The following KDM1B variants were observed in gnomAD, a reference collection of about 807,000 sequenced individuals.
KDM1B encodes the protein lysine-specific histone demethylase 2.
Under a neutral mutation model 107.4 loss-of-function variants are expected in KDM1B, and 63 were observed. That is an observed-to-expected ratio of 0.59 (90% CI 0.48 to 0.72). The LOEUF is 0.72. Among genes scored for constraint, KDM1B ranks in the 30% least tolerant of loss-of-function variants. The pLI, the probability that KDM1B is intolerant of heterozygous loss-of-function variation, is 0.00. For synonymous variants in KDM1B, 363 were observed against 363.9 expected (o/e 1.00, Z 0.03); for missense variants, 749 against 1,020.8 (o/e 0.73, Z 3.63).
In KDM1B at chr6:18,204,945, G is replaced by A. The variant is rs1183879689; in HGVS notation, c.1532-592G>A. Among the ~76,000 whole-genome samples, 1 of 152,246 alleles carries A rather than the reference G, an allele frequency of 6.6e-6. No homozygotes were observed. Among genetic ancestry groups the A allele is most frequent in the African/African-American group, 2.4e-5 (1 of 41,470 alleles). Reference sequence around the variant, plus strand: ...CTGCTGCCTTTGGAAAGATTAAAATGTGCTAGCTTTGCCTGGCTGTGGTTG... The same window carrying A: ...CTGCTGCCTTTGGAAAGATTAAAATATGCTAGCTTTGCCTGGCTGTGGTTG... On this transcript the variant is annotated intron_variant, in intron 14 of 21. Transcript: ENST00000650836. The surrounding 1 kb of genome is among the most constrained non-coding windows in gnomAD (Gnocchi z 4.9).
At position 18,162,346 on chromosome 6, in the gene KDM1B, TAAACAC is replaced by T. The variant is rs901610221; in HGVS notation, c.216-485_216-480del. On this transcript the variant is annotated intron_variant, in intron 4 of 21. Coordinates refer to ENST00000650836, the MANE Select transcript of KDM1B (RefSeq NM_001364614.2). The surrounding 1 kb of genome is among the most constrained non-coding windows in gnomAD (Gnocchi z 4.1). Reference sequence around the variant, plus strand: ...CAAATAAATAAAAAAATATTAAAAATAAACACAAAGACGTGGTGATCGTGTTCATAG... The same window carrying T: ...CAAATAAATAAAAAAATATTAAAAATAAAGACGTGGTGATCGTGTTCATAG... Among the ~76,000 whole-genome samples the T allele has an allele frequency of 6.2e-4, 94 of 152,242 alleles. No homozygotes were observed. Among genetic ancestry groups the T allele is most frequent in the African/African-American group, 2.1e-3 (87 of 41,564 alleles).
At chr6:18,174,950 A>C (rs1035548665) in intron 7 of KDM1B, among the ~76,000 whole-genome samples, 24 of 152,190 alleles carry the variant, frequency 1.6e-4, no homozygotes, top group Admixed American at 1.0e-3. Context: ...TGCTATAAAC[A>C]TGCATATGGA....
rs1016012734 is a variant in KDM1B at position 18,203,170 on chromosome 6, C to A, written c.1531+1513C>A. On this transcript the variant is annotated intron_variant, in intron 14 of 21. Coordinates refer to ENST00000650836, the MANE Select transcript of KDM1B (RefSeq NM_001364614.2). The surrounding 1 kb of genome is among the most constrained non-coding windows in gnomAD (Gnocchi z 5.5). ...TGATGGTGTGTGCCTGTAGTCCCAGCTACTCAGGAGGTGAGAGGATCGCTT... is the reference window on the plus strand; with the variant it reads ...TGATGGTGTGTGCCTGTAGTCCCAGATACTCAGGAGGTGAGAGGATCGCTT... Among the ~76,000 whole-genome samples, 2 of 152,150 alleles carry A rather than the reference C, an allele frequency of 1.3e-5. No individual in the cohort carries two copies. The highest frequency in any genetic ancestry group is 1.9e-4 in the East Asian group (1 of 5,196).
chr6:18,180,509 G>A (rs1786386940), intron 7 of KDM1B, among the ~76,000 whole-genome samples: 1 of 152,180 alleles, frequency 6.6e-6, no homozygotes. Flanking sequence ...AATTTTTTAA[G>A]ATTTTGGATG....
At position 18,197,912 on chromosome 6, in the gene KDM1B, TA is replaced by T. The variant is rs1787752086; in HGVS notation, c.1221+254del. ...GTCAGAAGAAATTCTAACTTGGCAT[TA>T]AAGTAGAAATTCTTTTTTTTTTTTT... On this transcript the variant is annotated intron_variant, in intron 12 of 21. Transcript: ENST00000650836. The surrounding 1 kb of genome is among the most constrained non-coding windows in gnomAD (Gnocchi z 4.5). Among the ~76,000 whole-genome samples, 1 of 151,038 alleles carries T rather than the reference TA, an allele frequency of 6.6e-6. No individual in the cohort carries two copies. Among genetic ancestry groups the T allele is most frequent in the Non-Finnish European group, 1.5e-5 (1 of 67,930 alleles).
rs1561956165 is a variant in KDM1B at position 18,214,978 on chromosome 6, ACCT to A, written c.2110-25_2110-23del. On this transcript the variant is annotated intron_variant, in intron 19 of 21. Coordinates refer to ENST00000650836, the MANE Select transcript of KDM1B (RefSeq NM_001364614.2). This position sits in a 1 kb window ranked among gnomAD's most constrained non-coding sequence, Gnocchi z 4.4. ...ATCTGTGGGAGCTGAGCACTCACAGACCTCCTGCTTTTCCTTTCATGTCTCCAG... is the reference window on the plus strand; with the variant it reads ...ATCTGTGGGAGCTGAGCACTCACAGACCTGCTTTTCCTTTCATGTCTCCAG... 1 of 1,611,198 alleles carries A rather than the reference ACCT, an allele frequency of 6.2e-7. No homozygotes were observed. Among genetic ancestry groups the A allele is most frequent in the Non-Finnish European group, 8.5e-7 (1 of 1,178,810 alleles).
rs2150972600 is a variant in KDM1B at position 18,200,136 on chromosome 6, A to G, written c.1222-303A>G. On this transcript the variant is annotated intron_variant, in intron 12 of 21. Coordinates refer to ENST00000650836, the MANE Select transcript of KDM1B (RefSeq NM_001364614.2). This position sits in a 1 kb window ranked among gnomAD's most constrained non-coding sequence, Gnocchi z 4.3. ...TGATCCTCCTGCCTCGGCCTCCCAAAGTGCTGGTATTACAGGCATGAGCTA... is the reference window on the plus strand; with the variant it reads ...TGATCCTCCTGCCTCGGCCTCCCAAGGTGCTGGTATTACAGGCATGAGCTA... 6.6e-6 allele frequency among the ~76,000 whole-genome samples: 1 copy of G among 152,312 alleles called. No homozygotes were observed. Among genetic ancestry groups the G allele is most frequent in the Non-Finnish European group, 1.5e-5 (1 of 68,022 alleles).
At chr6:18,185,726 A>T in intron 7 of KDM1B, 46 bp from the exon 8 acceptor site, 1 of 1,546,786 alleles carries the variant, frequency 6.5e-7, no homozygotes, top group Non-Finnish European at 8.9e-7. Flanking sequence ...ACCTGAGACT[A>T]TATTTTATAA....
intron 6 of KDM1B, among the ~76,000 whole-genome samples, chr6:18,171,030 C>T (rs543100375): frequency 2.6e-5 from 4 of 152,064 alleles, no homozygotes; most frequent in South Asian, 4.1e-4. Flanking sequence ...CCGTGTTAGC[C>T]AGGATGGTCT....
At chr6:18,182,456 G>A (rs1479846008) in intron 7 of KDM1B, among the ~76,000 whole-genome samples, 3 of 152,108 alleles carry the variant, frequency 2.0e-5, no homozygotes, top group Admixed American at 2.0e-4. Flanking sequence ...CACTGTTTTT[G>A]ATTTTGCTGT....
intron 2 of KDM1B, among the ~76,000 whole-genome samples, chr6:18,157,110 A>G (rs574863401): frequency 1.5e-3 from 222 of 152,356 alleles, no homozygotes; most frequent in Non-Finnish European, 2.6e-3. Context: ...AATGTTGAGC[A>G]TGAAACCAAT....
rs1242942387 is a variant in KDM1B, at chr6:18,201,571, G to T, written c.1445G>T (p.Arg482Leu). ...GRITDPTIDK[R>L]MDFHFNALLD... ...ATAACTGACCCCACTATTGACAAGC[G>T]CATGGATTTTCATTTTAATGCTCTC... Residue 482 changes from arginine to leucine, a missense_variant, in exon 14 of 22, where the codon CGC becomes CTC. Arg to Leu is a moderately radical substitution (Grantham distance 102). Coordinates refer to ENST00000650836, the MANE Select transcript of KDM1B (RefSeq NM_001364614.2). This position sits in a 1 kb window ranked among gnomAD's most constrained non-coding sequence, Gnocchi z 4.3. 2.6e-6 allele frequency: 4 copies of T among 1,549,742 alleles called. No homozygotes were observed. Among genetic ancestry groups the T allele is most frequent in the African/African-American group, 2.7e-5 (2 of 73,000 alleles).
rs1788992702 is a variant in KDM1B at position 18,213,332 on chromosome 6, A to T, written c.1984-324A>T. Among the ~76,000 whole-genome samples the T allele has an allele frequency of 6.6e-6, 1 of 151,960 alleles. No homozygotes were observed. The highest frequency in any genetic ancestry group is 2.1e-4 in the South Asian group (1 of 4,816). On this transcript the variant is annotated intron_variant, in intron 18 of 21. Coordinates refer to ENST00000650836, the MANE Select transcript of KDM1B (RefSeq NM_001364614.2). The surrounding 1 kb of genome is among the most constrained non-coding windows in gnomAD (Gnocchi z 5.9). ...GCACCTGTAATCCCAGCTACTTGGGATGCTGAGGCAGGAGAATCACTCGAA... is the reference window on the plus strand; with the variant it reads ...GCACCTGTAATCCCAGCTACTTGGGTTGCTGAGGCAGGAGAATCACTCGAA...
intron 2 of KDM1B, among the ~76,000 whole-genome samples, chr6:18,156,430 C>T (rs74961323): frequency 2.6e-5 from 4 of 152,162 alleles, no homozygotes; most frequent in Non-Finnish European, 5.9e-5. Context: ...CCCCACACCA[C>T]GTATACACAC....
chr6:18,166,364 C>T lies in KDM1B; in HGVS notation c.403C>T (p.Gln135Ter). The T allele has an allele frequency of 1.2e-6, 2 of 1,604,836 alleles. No homozygotes were observed. Among genetic ancestry groups the T allele is most frequent in the Non-Finnish European group, 1.7e-6 (2 of 1,171,518 alleles). The change falls in exon 6 of 22, where the codon CAA becomes TAA. Residue 135 changes from glutamine to a stop codon, truncating the protein, a stop_gained. Coordinates refer to ENST00000650836, the MANE Select transcript of KDM1B (RefSeq NM_001364614.2). LOFTEE classifies it high-confidence loss of function. ...TCCCAAAGCTTTCATGGCAGACCAG[C>T]AACTCCCCTACTGGGTAAGGAGAGT... The part of the protein sequence containing the change: ...PSPKAFMADQ[Q>*]LPYWVQCTKP...
At chr6:18,181,571 C>A (rs1012756650) in intron 7 of KDM1B, among the ~76,000 whole-genome samples, 9 of 152,050 alleles carry the variant, frequency 5.9e-5, no homozygotes, top group African/African-American at 1.7e-4. Context: ...CATGACGAGA[C>A]CCTGTCTCTA....
rs138866595 is a variant in KDM1B, at chr6:18,217,670, C to G, written c.2233-63C>G. 2.7e-4 allele frequency: 385 copies of G among 1,431,934 alleles called. 1 individual carries two copies. The African/African-American group carries it at 4.8e-3, about 18-fold the overall frequency. 88.7% of individuals were successfully genotyped at this position (1,431,934 alleles called of 1,614,324 possible). ...GGGATGGGACTACAGGCATGAGTCA[C>G]TGCGCCCTGCCATCTACATCCCTTC... On this transcript the variant is annotated intron_variant, in intron 20 of 21. Transcript: ENST00000650836.
intron 7 of KDM1B, among the ~76,000 whole-genome samples, chr6:18,178,692 A>G (rs1786219783): frequency 6.6e-6 from 1 of 152,198 alleles, no homozygotes; most frequent in Non-Finnish European, 1.5e-5. Context: ...CACCCAGCCA[A>G]TAAAATTTAT....
chr6:18,214,518 G>C lies in KDM1B; in HGVS notation c.2110-489G>C, dbSNP rs1352245856. Among the ~76,000 whole-genome samples the C allele has an allele frequency of 6.6e-6, 1 of 152,208 alleles. No homozygotes were observed. The highest frequency in any genetic ancestry group is 1.5e-5 in the Non-Finnish European group (1 of 68,044). On this transcript the variant is annotated intron_variant, in intron 19 of 21. Transcript: ENST00000650836. The surrounding 1 kb of genome is among the most constrained non-coding windows in gnomAD (Gnocchi z 4.4). Reference sequence around the variant, plus strand: ...TTTTCTTTTCCAGCAGGAAGCAATAGAGTGGATGGATGAATAATGAGTGTT... The same window carrying C: ...TTTTCTTTTCCAGCAGGAAGCAATACAGTGGATGGATGAATAATGAGTGTT...
Sources: allele counts gnomAD v4.1 joint callset (sites outside exome capture counted in the v4.1 genomes callset), GRCh38; gene constraint gnomAD v4.1.1; non-coding constraint Gnocchi (gnomAD v3.1); transcripts MANE v1.5; gene names NCBI Gene and HGNC (gene_info 2026-07-23, HGNC 2026-07-21).